Variants in MBNL2 observed in about 807,000 individuals in gnomAD.
MBNL2 encodes muscleblind-like protein 2.
A neutral mutation model predicts 41.9 loss-of-function variants in MBNL2; 17 were observed. That is an observed-to-expected ratio of 0.41 (90% CI 0.28 to 0.61). The LOEUF (loss-of-function observed/expected upper bound fraction) is 0.61, where lower values mean the gene tolerates loss of function less well. MBNL2 is among the 20% of genes least tolerant of loss of function. The pLI is 0.35. For synonymous variants in MBNL2, 195 were observed against 182.9 expected (o/e 1.07, Z -0.53); for missense variants, 336 against 505.6 (o/e 0.66, Z 3.22).
chr13:97,150,947 T>C, the MBNL2 span, among the ~76,000 whole-genome samples: 2 of 152,150 alleles, frequency 1.3e-5, no homozygotes, highest in Non-Finnish European at 2.9e-5. Context: ...TCAGTTAGAC[T>C]TTTGGATAGA....
At chr13:97,300,666 C>T (rs960415200) in intron 2 of MBNL2, among the ~76,000 whole-genome samples, 55 of 152,200 alleles carry the variant, frequency 3.6e-4, no homozygotes, top group Admixed American at 3.3e-4. Flanking sequence ...CCTTTCTCTT[C>T]ATCTTCTTTT....
chr13:97,311,891 T>A (rs1240065621), intron 2 of MBNL2, among the ~76,000 whole-genome samples: 1 of 152,244 alleles, frequency 6.6e-6, no homozygotes, highest in Admixed American at 6.5e-5. Flanking sequence ...TCCTTTTGTA[T>A]AACCTGCCCC....
chr13:97,364,853 A>C (rs917755724), intron 7 of MBNL2, among the ~76,000 whole-genome samples: 1 of 152,216 alleles, frequency 6.6e-6, no homozygotes, highest in Non-Finnish European at 1.5e-5. Flanking sequence ...GAGGAAGGAC[A>C]CCACGGCATT....
chr13:97,271,876 A>T (rs779440071), intron 1 of MBNL2, among the ~76,000 whole-genome samples: 1 of 152,188 alleles, frequency 6.6e-6, no homozygotes, highest in East Asian at 1.9e-4. Context: ...TAGTGCTGCA[A>T]TAAACATAGG....
chr13:97,153,631 T>C, the MBNL2 span, among the ~76,000 whole-genome samples: 1 of 152,140 alleles, frequency 6.6e-6, no homozygotes, highest in Non-Finnish European at 1.5e-5. Context: ...ACAGAAAACC[T>C]TTTATAAGGC....
chr13:97,234,783 C>T (rs1254960679), intron 1 of MBNL2, among the ~76,000 whole-genome samples: 3 of 152,226 alleles, frequency 2.0e-5, no homozygotes, highest in Non-Finnish European at 1.5e-5. Flanking sequence ...AGATAAGGTA[C>T]ACGTTTTTGG....
chr13:97,165,647 G>A, the MBNL2 span, among the ~76,000 whole-genome samples: 10 of 152,128 alleles, frequency 6.6e-5, no homozygotes, highest in African/African-American at 2.4e-4. Context: ...TAGTGAATCC[G>A]CACTAACAGA....
At chr13:97,155,164 T>A in the MBNL2 span, among the ~76,000 whole-genome samples, 1 of 152,130 alleles carries the variant, frequency 6.6e-6, no homozygotes, top group African/African-American at 2.4e-5. Context: ...ATTACACACA[T>A]GGACTTTGGA....
intron 1 of MBNL2, among the ~76,000 whole-genome samples, chr13:97,223,616 A>C (rs1482188665): frequency 1.3e-5 from 2 of 152,220 alleles, no homozygotes; most frequent in African/African-American, 4.8e-5. Context: ...GTCCCTTTAA[A>C]AGACAAAGGT....
intron 1 of MBNL2, among the ~76,000 whole-genome samples, chr13:97,246,309 A>ACC (rs984057244): frequency 2.0e-5 from 3 of 148,482 alleles, no homozygotes; most frequent in Admixed American, 1.3e-4. Context: ...ACACACACAC[A>ACC]CCTATTTATG....
upstream of MBNL2, among the ~76,000 whole-genome samples, chr13:97,220,156 A>G (rs1566346792): frequency 6.6e-6 from 1 of 152,230 alleles, no homozygotes; most frequent in Non-Finnish European, 1.5e-5. Flanking sequence ...ATGCATTTAG[A>G]AATACCAGTA....
Position 97,331,162 on chromosome 13 carries a change from C to T in MBNL2, c.175-3114C>T, listed in dbSNP as rs552462433. ...TGAAATATCATATAGAAACATTTAT[C>T]TTTCTTTTGATAATAACATTTACTC... On this transcript the variant is annotated intron_variant, in intron 2 of 8. Coordinates refer to ENST00000679496, the MANE Select transcript of MBNL2 (RefSeq NM_001382683.1). Among the ~76,000 whole-genome samples the T allele has an allele frequency of 3.9e-5, 6 of 152,280 alleles. No homozygotes were observed. In the South Asian group the frequency reaches 1.2e-3, roughly 32 times the overall value.
intron 1 of MBNL2, among the ~76,000 whole-genome samples, chr13:97,252,546 C>G (rs1450589140): frequency 6.6e-6 from 1 of 152,094 alleles, no homozygotes; most frequent in Non-Finnish European, 1.5e-5. Flanking sequence ...TTTTACATCT[C>G]TAAGTAAATT....
In MBNL2 at chr13:97,391,349, G is replaced by T; in HGVS notation, c.1076G>T (p.Gly359Val). Residue 359 changes from glycine (G) to valine (V), a missense_variant, in exon 9 of 9, where the codon GGA becomes GTA. By Grantham distance (109) the Gly-to-Val change is moderately radical (BLOSUM62 -3). Transcript: ENST00000679496. ...IDNSEIISRN[G>V]MECQESALRI... ...AATTCTGAAATAATCAGCAGAAACGGAATGGAATGCCAAGAATCTGCATTG... is the reference window on the plus strand; with the variant it reads ...AATTCTGAAATAATCAGCAGAAACGTAATGGAATGCCAAGAATCTGCATTG... The T allele has an allele frequency of 7.1e-6, 11 of 1,555,018 alleles. No individual in the cohort carries two copies. Among genetic ancestry groups the T allele is most frequent in the Non-Finnish European group, 8.9e-6 (10 of 1,126,906 alleles).
the MBNL2 span, among the ~76,000 whole-genome samples, chr13:97,213,829 G>C: frequency 6.6e-6 from 1 of 152,160 alleles, no homozygotes; most frequent in Non-Finnish European, 1.5e-5. Context: ...TTCAGGAACG[G>C]TATATTGTAG....
At chr13:97,207,406 G>A in the MBNL2 span, among the ~76,000 whole-genome samples, 1 of 152,162 alleles carries the variant, frequency 6.6e-6, no homozygotes, top group Non-Finnish European at 1.5e-5. Context: ...ACGTGGCTGG[G>A]GAAGCCTCAC....
the MBNL2 span, among the ~76,000 whole-genome samples, chr13:97,151,374 T>C: frequency 6.6e-6 from 1 of 152,118 alleles, no homozygotes; most frequent in African/African-American, 2.4e-5. Context: ...TGGCAGATGA[T>C]GACAAGTATA....
chr13:97,343,181 G>A lies in MBNL2; in HGVS notation c.505G>A (p.Ala169Thr). 6.2e-7 allele frequency: 1 copy of A among 1,612,748 alleles called. No homozygotes were observed. Among genetic ancestry groups the A allele is most frequent in the Non-Finnish European group, 8.5e-7 (1 of 1,179,454 alleles). ...ACCGGTCACTGTCCCGGGCTCAACT[G>A]CAACTCAGAAACTTCTCAGGACTGA... Reference protein sequence around the residue: ...SPPVTVPGSTATQKLLRTDKL... With the variant: ...SPPVTVPGSTTTQKLLRTDKL... The change falls in exon 4 of 9, where the codon GCA becomes ACA. Residue 169 changes from alanine to threonine, a missense_variant. Physicochemically the swap from Ala to Thr is moderately conservative, Grantham distance 58 (BLOSUM62 0). Coordinates refer to ENST00000679496, the MANE Select transcript of MBNL2 (RefSeq NM_001382683.1).
chr13:97,146,038 C>CAGTG, the MBNL2 span, among the ~76,000 whole-genome samples: 2 of 151,396 alleles, frequency 1.3e-5, no homozygotes, highest in African/African-American at 2.4e-5. Flanking sequence ...GGCTGGAGTA[C>CAGTG]AGTGGTGTGT....
Sources: allele counts gnomAD v4.1 joint callset (sites outside exome capture counted in the v4.1 genomes callset), GRCh38; gene constraint gnomAD v4.1.1; transcripts MANE v1.5; gene names NCBI Gene and HGNC (gene_info 2026-07-23, HGNC 2026-07-21).